The following NLRP9 variants were observed in gnomAD, a reference collection of about 807,000 sequenced individuals.
NLRP9 encodes NLR family pyrin domain containing 9, also known as NACHT, LRR and PYD domains-containing protein 9.
Under a neutral mutation model 83.1 loss-of-function variants are expected in NLRP9, and 88 were observed. That is an observed-to-expected ratio of 1.06 (90% CI 0.89 to 1.26). The LOEUF (loss-of-function observed/expected upper bound fraction) is 1.26. Among genes scored for constraint, NLRP9 ranks in the 50% most tolerant of loss-of-function variants. The probability of loss-of-function intolerance (pLI) is 0.00; values close to 1 mark genes in which losing one functional copy is unlikely to be tolerated. For missense variants in NLRP9, 1,308 were observed against 1,179.3 expected (o/e 1.11, Z -1.60); for synonymous variants, 521 against 447.6 (o/e 1.16, Z -2.07).
At chr19:55,718,138 A>G (rs1326432803) in intron 4 of NLRP9, among the ~76,000 whole-genome samples, 1 of 152,228 alleles carries the variant, frequency 6.6e-6, no homozygotes, top group Non-Finnish European at 1.5e-5. Context: ...ACTTGGTAAA[A>G]GTCATGGCCA....
intron 3 of NLRP9, 152 bp from the exon 4 acceptor site, chr19:55,724,296 TG>T (rs1988334694): frequency 1.7e-6 from 1 of 595,812 alleles, no homozygotes; most frequent in East Asian, 2.9e-5. Flanking sequence ...TATTTCTCGA[TG>T]GGGTTTTTAG....
rs199476229 is a variant in NLRP9 at position 55,712,630 on chromosome 19, G to C, written c.2502-40C>G. The C allele has an allele frequency of 1.7e-5, 27 of 1,552,630 alleles. No homozygotes were observed. Among genetic ancestry groups the C allele is most frequent in the Non-Finnish European group, 2.3e-5 (26 of 1,129,518 alleles). ...GACACACAAATACGTACACTTATGA[G>C]GTCAATCATAACAGCCCACCTTATT... On this transcript the variant is annotated intron_variant, in intron 6 of 8. Transcript: ENST00000332836.
At chr19:55,711,491 A>C (rs1383989127) in intron 8 of NLRP9, 9 of 1,346,738 alleles carry the variant, frequency 6.7e-6, no homozygotes, top group Non-Finnish European at 8.8e-6. Context: ...AAGATGTTTT[A>C]TAGAGCAGTG....
intron 4 of NLRP9, among the ~76,000 whole-genome samples, chr19:55,721,614 C>T (rs1163047620): frequency 6.6e-6 from 1 of 152,114 alleles, no homozygotes; most frequent in Non-Finnish European, 1.5e-5. Flanking sequence ...GGGAGCTGTC[C>T]TGTACATTAC....
At chr19:55,729,050 CTTTTTTTTTTTTTTT>C (rs374589373) in intron 3 of NLRP9, among the ~76,000 whole-genome samples, 2 of 70,202 alleles carry the variant, frequency 2.8e-5, no homozygotes, top group Non-Finnish European at 5.3e-5. Flanking sequence ...TTTTCTTTTT[CTTTTTTTTTTTTTTT>C]TTTTTTTTAC....
chr19:55,711,823 C>T lies in NLRP9; in HGVS notation c.2820G>A (p.Pro940=), dbSNP rs138948455. The change falls in exon 8 of 9, where the codon CCG becomes CCA. Residue 940 remains proline (P), a synonymous_variant. Transcript: ENST00000332836. ...VVVLCEALSH[P]DCALQMLGLH... Reference sequence around the variant, plus strand: ...ACCCCAGCATCTGCAGGGCACAGTCCGGGTGGCTCAATGCCTCACACAGCA... The same window carrying T: ...ACCCCAGCATCTGCAGGGCACAGTCTGGGTGGCTCAATGCCTCACACAGCA... 22 of 1,613,134 alleles carry T rather than the reference C, an allele frequency of 1.4e-5. No individual in the cohort carries two copies. The highest frequency in any genetic ancestry group is 1.7e-5 in the Admixed American group (1 of 59,972).
chr19:55,713,657 A>C (rs1007099230), intron 6 of NLRP9, among the ~76,000 whole-genome samples: 1 of 48,704 alleles, frequency 2.1e-5, no homozygotes, highest in Non-Finnish European at 3.8e-5. Context: ...CTCCCTCCCC[A>C]CCTCTCCCCT....
intron 4 of NLRP9, among the ~76,000 whole-genome samples, chr19:55,722,798 C>T (rs1426784304): frequency 1.3e-5 from 2 of 152,218 alleles, no homozygotes; most frequent in East Asian, 1.9e-4. Context: ...ACATGTACAC[C>T]ATGGAATACT....
At chr19:55,727,262 T>A (rs928057303) in intron 3 of NLRP9, among the ~76,000 whole-genome samples, 3 of 151,962 alleles carry the variant, frequency 2.0e-5, no homozygotes, top group Non-Finnish European at 2.9e-5. Flanking sequence ...AAAGTTTTTT[T>A]AAATAAAAGA....
intron 5 of NLRP9, 45 bp downstream of exon 5, chr19:55,716,683 C>A (rs1453369018): frequency 6.5e-7 from 1 of 1,539,614 alleles, no homozygotes; most frequent in Non-Finnish European, 9.0e-7. Flanking sequence ...GATCCAGGTG[C>A]ACGCTTCAGA....
In NLRP9 at chr19:55,729,989, G is replaced by A. The variant is rs1168941297; in HGVS notation, c.1836C>T (p.Tyr612=). The change falls in exon 3 of 9, where the codon TAC becomes TAT. Residue 612 remains tyrosine, a synonymous_variant. Transcript: ENST00000332836. ...FPDDSGCISD[Y]NEKLVYWREL... is the part of the protein sequence containing the mutation. ...CCCGCCAGTAGACGAGCTTCTCATT[G>A]TAACTATGAGAGAACAAAGATTGTG... The A allele has an allele frequency of 6.2e-7, 1 of 1,610,558 alleles. No individual in the cohort carries two copies. Among genetic ancestry groups the A allele is most frequent in the Non-Finnish European group, 8.5e-7 (1 of 1,178,580 alleles).
intron 6 of NLRP9, 77 bp from the exon 7 acceptor site, chr19:55,712,667 A>G: frequency 7.7e-7 from 1 of 1,293,528 alleles, no homozygotes; most frequent in Non-Finnish European, 1.1e-6. Flanking sequence ...TCATTTATTC[A>G]TATGACGCAA....
intron 2 of NLRP9, among the ~76,000 whole-genome samples, chr19:55,730,198 A>G (rs1024382432): frequency 6.6e-6 from 1 of 152,242 alleles, no homozygotes; most frequent in Non-Finnish European, 1.5e-5. Flanking sequence ...TCAAGCCTGT[A>G]ATTCCAGCAC....
In NLRP9 at chr19:55,715,048, G is replaced by T. The variant is rs1384025566; in HGVS notation, c.2501+7C>A. 8 of 1,602,278 alleles carry T rather than the reference G, an allele frequency of 5.0e-6. No individual in the cohort carries two copies. The African/African-American group carries it at 1.1e-4, about 22-fold the overall frequency. ...CTGACATTGAAGCAAATCATGGCCG[G>T]TCCTACCACAGCTCCCGTATGCTGC... On this transcript the variant is annotated splice_region_variant and intron_variant, in intron 6 of 8. Coordinates refer to ENST00000332836, the MANE Select transcript of NLRP9 (RefSeq NM_176820.4).
At chr19:55,728,422 A>G (rs1391859377) in intron 3 of NLRP9, among the ~76,000 whole-genome samples, 1 of 152,078 alleles carries the variant, frequency 6.6e-6, no homozygotes, top group East Asian at 1.9e-4. Flanking sequence ...TAATACAAAA[A>G]CTAGCCAGGC....
At chr19:55,713,070 C>A (rs1249222468) in intron 6 of NLRP9, among the ~76,000 whole-genome samples, 1 of 150,294 alleles carries the variant, frequency 6.7e-6, no homozygotes, top group Non-Finnish European at 1.5e-5. Context: ...TTCTTCTCTC[C>A]TGCCTGGCTC....
chr19:55,728,567 C>A (rs1461349710), intron 3 of NLRP9, among the ~76,000 whole-genome samples: 1 of 152,038 alleles, frequency 6.6e-6, no homozygotes, highest in Admixed American at 6.6e-5. Context: ...AGCGAAACTC[C>A]GTCTCAAAGC....
chr19:55,731,867 G>C (rs967263780), intron 2 of NLRP9, 132 bp downstream of exon 2: 2 of 595,350 alleles, frequency 3.4e-6, no homozygotes, highest in Admixed American at 7.0e-5. Context: ...GCCAAGGCTC[G>C]AAAGGAAGGC....
At chr19:55,720,295 G>C (rs1348927540) in intron 4 of NLRP9, among the ~76,000 whole-genome samples, 2 of 152,132 alleles carry the variant, frequency 1.3e-5, no homozygotes, top group Non-Finnish European at 2.9e-5. Context: ...AAATGCACAG[G>C]AAGTTATTCT....
Sources: gnomAD v4.1 joint callset for allele counts (sites outside exome capture counted in the v4.1 genomes callset) on GRCh38, gnomAD v4.1.1 for gene constraint, MANE v1.5 for transcripts, NCBI Gene and HGNC (gene_info 2026-07-23, HGNC 2026-07-21) for gene names.